Variants in SHOC1 observed in about 807,000 individuals in gnomAD.
SHOC1 encodes shortage in chiasmata 1.
In SHOC1, 136 loss-of-function variants were observed where a neutral mutation model predicts 179.2. The ratio of observed to expected loss-of-function variants is 0.76; its 90% CI spans 0.66 to 0.87. SHOC1 has a LOEUF of 0.87. Among genes scored for constraint, SHOC1 ranks in the 40% least tolerant of loss-of-function variants. The pLI, the probability that SHOC1 is intolerant of heterozygous loss-of-function variation, is 0.00. For synonymous variants in SHOC1, 489 were observed against 586.6 expected, an observed-to-expected ratio of 0.83 and a Z score of 2.41; for missense variants, 1,538 against 1,700.8, an observed-to-expected ratio of 0.90 and a Z score of 1.68.
intron 2 of SHOC1, among the ~76,000 whole-genome samples, chr9:111,786,731 G>T (rs982765853): frequency 3.9e-5 from 6 of 152,084 alleles, no homozygotes; most frequent in African/African-American, 1.4e-4. Flanking sequence ...GGGGTGGCAT[G>T]AACTGCACCA....
intron 12 of SHOC1, among the ~76,000 whole-genome samples, chr9:111,736,704 A>T (rs567640583): frequency 6.6e-6 from 1 of 152,292 alleles, no homozygotes; most frequent in African/African-American, 2.4e-5. Flanking sequence ...CAAAAACAAA[A>T]ATTGCCGAGT....
At chr9:111,749,290 A>C (rs1056398000) in intron 8 of SHOC1, among the ~76,000 whole-genome samples, 1 of 152,106 alleles carries the variant, frequency 6.6e-6, no homozygotes, top group African/African-American at 2.4e-5. Context: ...AATCAGACAT[A>C]TGGTCATTAT....
At chr9:111,766,692 A>T (rs1370513652) in intron 5 of SHOC1, among the ~76,000 whole-genome samples, 2 of 152,146 alleles carry the variant, frequency 1.3e-5, no homozygotes, top group Admixed American at 1.3e-4. Flanking sequence ...GCTCACTGCA[A>T]CTTCTGCCTC....
At chr9:111,763,139 A>G (rs1835208503) in intron 5 of SHOC1, among the ~76,000 whole-genome samples, 1 of 151,852 alleles carries the variant, frequency 6.6e-6, no homozygotes, top group South Asian at 2.1e-4. Flanking sequence ...AAAAATATAT[A>G]AAAAATAAAT....
At chr9:111,714,747 TGA>T (rs1298237404) in intron 16 of SHOC1, 124 bp from the exon 17 acceptor site, 1 of 861,426 alleles carries the variant, frequency 1.2e-6, no homozygotes, top group Non-Finnish European at 1.8e-6. Context: ...AATTGTTTTC[TGA>T]TTTTGATCAA....
intron 12 of SHOC1, among the ~76,000 whole-genome samples, chr9:111,728,540 T>C (rs769210155): frequency 1.7e-4 from 26 of 152,176 alleles, no homozygotes; most frequent in Non-Finnish European, 1.5e-4. Flanking sequence ...TTCTACAAAA[T>C]AGACGAATCT....
chr9:111,778,660 A>G (rs1395464277), intron 4 of SHOC1, among the ~76,000 whole-genome samples: 1 of 150,316 alleles, frequency 6.7e-6, no homozygotes, highest in African/African-American at 2.5e-5. Context: ...AATATCAGCT[A>G]CTCGGGAGGC....
At chr9:111,786,461 C>A (rs1348218774) in intron 2 of SHOC1, among the ~76,000 whole-genome samples, 1 of 150,342 alleles carries the variant, frequency 6.7e-6, no homozygotes. Flanking sequence ...AAAAAACAGG[C>A]ATCCCTCACT....
At chr9:111,703,298 T>G (rs368730304) in intron 22 of SHOC1, among the ~76,000 whole-genome samples, 12 of 152,334 alleles carry the variant, frequency 7.9e-5, no homozygotes, top group African/African-American at 2.2e-4. Context: ...TTATACTGCA[T>G]ATCATCAAAC....
At position 111,723,896 on chromosome 9, in the gene SHOC1, G is replaced by T. The variant is rs1017994614; in HGVS notation, c.1850C>A (p.Ser617Tyr). 7.7e-6 allele frequency: 12 copies of T among 1,550,702 alleles called. No individual in the cohort carries two copies. The highest frequency in any genetic ancestry group is 1.4e-5 in the African/African-American group (1 of 73,244). ...AGGACTTTCTTCTTGAAGTGTCAAA[G>T]AACATGCTTCTTTATCTTGAAATTC... is the stretch of plus-strand genomic sequence containing the variant. ...SDEKHDKEAC[S>Y]LTLQEESPIV... The change falls in exon 14 of 28, where the codon TCT becomes TAT. Residue 617 changes from serine (S) to tyrosine (Y), a missense_variant. Coordinates refer to ENST00000682961, the MANE Select transcript of SHOC1 (RefSeq NM_001378211.1).
chr9:111,763,679 A>G (rs1045543180), intron 5 of SHOC1, among the ~76,000 whole-genome samples: 2 of 152,198 alleles, frequency 1.3e-5, no homozygotes, highest in Non-Finnish European at 2.9e-5. Flanking sequence ...GTACTGTACT[A>G]AAAGGAACGA....
chr9:111,787,512 T>C (rs544996716), intron 2 of SHOC1, among the ~76,000 whole-genome samples: 4 of 152,290 alleles, frequency 2.6e-5, no homozygotes, highest in African/African-American at 7.2e-5. Context: ...CAAGAGAATT[T>C]GAATTAAAAA....
chr9:111,691,191 T>C (rs1831407078), intron 27 of SHOC1, among the ~76,000 whole-genome samples: 1 of 152,200 alleles, frequency 6.6e-6, no homozygotes, highest in South Asian at 2.1e-4. Context: ...CTAATTAGGC[T>C]CTTTTAATAA....
intron 11 of SHOC1, 28 bp downstream of exon 11, chr9:111,741,448 T>G: frequency 7.9e-7 from 1 of 1,273,288 alleles, no homozygotes; most frequent in Non-Finnish European, 1.1e-6. Flanking sequence ...TACTTTCTAT[T>G]TATCACTTAA....
In SHOC1 at chr9:111,745,365, G is replaced by C. The variant is rs567202459; in HGVS notation, c.1079+869C>G. ...TTAAGGTTGCAGTTAGAAAGTGATA[G>C]AGCTAGGCAATCTGGCTCTAGTTCA... On this transcript the variant is annotated intron_variant, in intron 10 of 27. Transcript: ENST00000682961. Among the ~76,000 whole-genome samples the C allele has an allele frequency of 4.5e-4, 69 of 152,294 alleles. 1 individual carries two copies. In the South Asian group the frequency reaches 0.013, roughly 30 times the overall value.
chr9:111,713,213 T>C (rs1172723522), intron 17 of SHOC1, 41 bp from the exon 18 acceptor site: 2 of 1,111,266 alleles, frequency 1.8e-6, no homozygotes, highest in South Asian at 2.9e-5. Context: ...TGGATGATTA[T>C]TCTTTTTCAC....
chr9:111,739,843 T>A (rs1589428515), intron 11 of SHOC1, among the ~76,000 whole-genome samples: 1 of 152,236 alleles, frequency 6.6e-6, no homozygotes, highest in East Asian at 1.9e-4. Flanking sequence ...TCTATTAGCA[T>A]GTGTTTCTTT....
intron 9 of SHOC1, among the ~76,000 whole-genome samples, chr9:111,747,792 C>G (rs1295979814): frequency 6.6e-6 from 1 of 152,092 alleles, no homozygotes; most frequent in Non-Finnish European, 1.5e-5. Flanking sequence ...GTCATATTGA[C>G]CAGGCTGGTC....
intron 8 of SHOC1, among the ~76,000 whole-genome samples, chr9:111,754,052 A>G (rs1037783811): frequency 6.6e-6 from 1 of 152,212 alleles, no homozygotes; most frequent in Non-Finnish European, 1.5e-5. Context: ...TTCTCATCAC[A>G]TACAAAAAAG....
Sources: gnomAD v4.1 joint callset for allele counts (sites outside exome capture counted in the v4.1 genomes callset) on GRCh38, gnomAD v4.1.1 for gene constraint, MANE v1.5 for transcripts, NCBI Gene and HGNC (gene_info 2026-07-23, HGNC 2026-07-21) for gene names.